ZNF568: variants seen among roughly 807,000 people sequenced by gnomAD.
The protein encoded by ZNF568 is p53 inhibitor of SCO2 activation.
ZNF568 carries 11 observed loss-of-function variants against 18.1 expected under a neutral mutation model. The observed-to-expected ratio is 0.61, with a 90% CI of 0.38 to 1.00. The LOEUF is 1.00. ZNF568 is among the 50% of genes least tolerant of loss of function. The pLI is 0.01. For synonymous variants in ZNF568, 213 were observed against 246.6 expected, an observed-to-expected ratio of 0.86 and a Z score of 1.28; for missense variants, 639 against 768.2, an observed-to-expected ratio of 0.83 and a Z score of 1.99.
intron 4 of ZNF568, among the ~76,000 whole-genome samples, chr19:36,935,330 G>A (rs2073770922): frequency 6.6e-6 from 1 of 152,078 alleles, no homozygotes; most frequent in Non-Finnish European, 1.5e-5. Context: ...GGGAGGCTGA[G>A]GCGGGTGGAT....
At position 36,991,252 on chromosome 19, in the gene ZNF568, T is replaced by A; in HGVS notation, c.86T>A (p.Leu29Ter). The A allele has an allele frequency of 6.5e-7, 1 of 1,536,028 alleles. No individual in the cohort carries two copies. Among genetic ancestry groups the A allele is most frequent in the Non-Finnish European group, 8.7e-7 (1 of 1,146,816 alleles). ...TGCTTGCACTCTGCTCAGAAGGATT[T>A]GTACCGAGATGTAATGTTGGAAAAT... Residue 29 changes from leucine (L) to a stop codon, truncating the protein, a stop_gained, in exon 3 of 5, where the codon TTG (leucine) becomes TAG (stop). Transcript: ENST00000433993. LOFTEE classifies it high-confidence loss of function.
chr19:36,969,781 A>ATTTTT (rs200089198), intron 6 of ZNF568, among the ~76,000 whole-genome samples: 4 of 77,116 alleles, frequency 5.2e-5, no homozygotes, highest in Non-Finnish European at 7.4e-5. Flanking sequence ...CCATCTCAAG[A>ATTTTT]TTTTTTTTTT....
intron 6 of ZNF568, among the ~76,000 whole-genome samples, chr19:36,962,309 G>T (rs1600833765): frequency 2.9e-4 from 21 of 73,496 alleles, no homozygotes; most frequent in East Asian, 6.5e-4. Flanking sequence ...TTGCTTCCAG[G>T]TTTAAGACCC....
intron 2 of ZNF568, among the ~76,000 whole-genome samples, chr19:36,920,197 G>T (rs1188607355): frequency 7.7e-6 from 1 of 129,782 alleles, no homozygotes; most frequent in Non-Finnish European, 1.6e-5. Context: ...TTTTTAACAA[G>T]AAAGTTTAAA....
At chr19:36,947,111 G>C (rs1380352382) in intron 6 of ZNF568, among the ~76,000 whole-genome samples, 1 of 151,912 alleles carries the variant, frequency 6.6e-6, no homozygotes, top group Non-Finnish European at 1.5e-5. Context: ...TGCCTCCCAG[G>C]TTCAAGCAAT....
intron 4 of ZNF568, among the ~76,000 whole-genome samples, chr19:36,927,362 A>T (rs901856633): frequency 6.6e-6 from 1 of 152,108 alleles, no homozygotes; most frequent in South Asian, 2.1e-4. Flanking sequence ...GGATTATAAT[A>T]TTGTAATTGG....
intron 6 of ZNF568, among the ~76,000 whole-genome samples, chr19:36,964,317 C>T (rs962204465): frequency 2.7e-5 from 4 of 149,598 alleles, no homozygotes; most frequent in East Asian, 2.0e-4. Context: ...TTGTTAGATT[C>T]GCTTCTGAAC....
intron 2 of ZNF568, among the ~76,000 whole-genome samples, chr19:36,917,979 C>T (rs1312482658): frequency 2.6e-5 from 4 of 152,164 alleles, no homozygotes; most frequent in Non-Finnish European, 1.5e-5. Context: ...GACGGAGTCT[C>T]GCTCTGTCAC....
intron 6 of ZNF568, among the ~76,000 whole-genome samples, chr19:36,968,687 C>T (rs1026615076): frequency 6.6e-6 from 1 of 151,032 alleles, no homozygotes; most frequent in Non-Finnish European, 1.5e-5. Flanking sequence ...GTGGCCATTA[C>T]CATCTTAGCC....
chr19:36,946,997 TAGA>T (rs2073978096), intron 6 of ZNF568, among the ~76,000 whole-genome samples: 1 of 147,664 alleles, frequency 6.8e-6, no homozygotes, highest in Non-Finnish European at 1.5e-5. Context: ...GATCAGAACC[TAGA>T]AGATTTTTTG....
At position 36,949,753 on chromosome 19, in the gene ZNF568, A is replaced by C. The variant is rs759951366; in HGVS notation, c.600A>C (p.Arg200Ser). Residue 200 changes from arginine to serine, a missense_variant, in exon 7 of 7, where the codon AGA becomes AGC. Coordinates refer to ENST00000333987, the MANE Select transcript of ZNF568 (RefSeq NM_198539.4). ...TTAGATATGAGAAAGGCTGTGTAAG[A>C]GAGAAACAGAGTAATGAGTTTGGGA... ...DLLRYEKGCV[R>S]EKQSNEFGKP... 43 of 1,613,870 alleles carry C rather than the reference A, an allele frequency of 2.7e-5. No individual in the cohort carries two copies. Among genetic ancestry groups the C allele is most frequent in the Non-Finnish European group, 3.5e-5 (41 of 1,179,930 alleles).
intron 2 of ZNF568, among the ~76,000 whole-genome samples, chr19:36,919,114 C>A (rs2073406297): frequency 6.6e-6 from 1 of 152,120 alleles, no homozygotes; most frequent in Non-Finnish European, 1.5e-5. Flanking sequence ...CTATCTGAGT[C>A]CCTGCTTTCA....
At chr19:36,974,983 C>T (rs1056898413) in intron 7 of ZNF568, among the ~76,000 whole-genome samples, 6 of 151,326 alleles carry the variant, frequency 4.0e-5, no homozygotes, top group African/African-American at 7.3e-5. Flanking sequence ...CACACCACCA[C>T]GCCCAGCTAA....
Position 36,950,343 on chromosome 19 carries a change from A to G in ZNF568, c.1190A>G (p.Lys397Arg). 6.2e-7 allele frequency: 1 copy of G among 1,613,896 alleles called. No individual in the cohort carries two copies. ...EKPYKCNKCG[K>R]AFSQCSVFII... is the part of the protein sequence containing the mutation. ...CCCTATAAATGTAATAAATGTGGAAAAGCTTTCTCTCAATGCTCAGTATTT... is the reference window on the plus strand; with the variant it reads ...CCCTATAAATGTAATAAATGTGGAAGAGCTTTCTCTCAATGCTCAGTATTT... Residue 397 changes from lysine to arginine, a missense_variant, in exon 7 of 7, where the codon AAA (lysine) becomes AGA (arginine). Lys to Arg is a conservative substitution (Grantham distance 26). Coordinates refer to ENST00000333987, the MANE Select transcript of ZNF568 (RefSeq NM_198539.4).
chr19:36,973,497 C>T (rs1179124992), intron 6 of ZNF568: 1 of 155,286 alleles, frequency 6.4e-6, no homozygotes, highest in Non-Finnish European at 1.4e-5. Context: ...TGGCCCCCAG[C>T]TCGGCAGAGG....
At chr19:36,918,571 G>A (rs2073394380) in intron 2 of ZNF568, among the ~76,000 whole-genome samples, 1 of 152,168 alleles carries the variant, frequency 6.6e-6, no homozygotes, top group Non-Finnish European at 1.5e-5. Context: ...ATCTGAGGAT[G>A]CAGAACCTGT....
chr19:36,960,590 T>C (rs906933785), intron 6 of ZNF568, among the ~76,000 whole-genome samples: 1 of 151,804 alleles, frequency 6.6e-6, no homozygotes, highest in Admixed American at 6.6e-5. Context: ...TTAGCTGGGG[T>C]GGTGGCACTT....
intron 6 of ZNF568, 69 bp downstream of exon 6, chr19:36,937,311 A>G: frequency 1.5e-6 from 2 of 1,293,658 alleles, no homozygotes; most frequent in Non-Finnish European, 2.2e-6. Flanking sequence ...GGTTGATATC[A>G]TTTCACAATT....
At chr19:36,922,315 G>A (rs2073470849) in intron 2 of ZNF568, among the ~76,000 whole-genome samples, 1 of 152,124 alleles carries the variant, frequency 6.6e-6, no homozygotes, top group Non-Finnish European at 1.5e-5. Flanking sequence ...GTGTTGTCAT[G>A]GTATGGCAGC....
Sources: allele counts gnomAD v4.1 joint callset (sites outside exome capture counted in the v4.1 genomes callset), GRCh38; gene constraint gnomAD v4.1.1; transcripts MANE v1.5; gene names NCBI Gene and HGNC (gene_info 2026-07-23, HGNC 2026-07-21).